The following AGBL4 variants were observed in gnomAD, a reference collection of about 807,000 sequenced individuals.
AGBL4 encodes the protein AGBL carboxypeptidase 4, also known as cytosolic carboxypeptidase 6.
In AGBL4, 58 loss-of-function variants were observed where a neutral mutation model predicts 66.4. The ratio of observed to expected loss-of-function variants is 0.87; its 90% confidence interval spans 0.71 to 1.09. The LOEUF (loss-of-function observed/expected upper bound fraction) is 1.09, where lower values mean the gene tolerates loss of function less well. Among genes scored for constraint, AGBL4 ranks in the 50% least tolerant of loss-of-function variants. The pLI, the probability that AGBL4 is intolerant of heterozygous loss-of-function variation, is 0.00. For synonymous variants in AGBL4, 234 were observed against 222.9 expected, an observed-to-expected ratio of 1.05 and a Z score of -0.44; for missense variants, 579 against 631.0, an observed-to-expected ratio of 0.92 and a Z score of 0.88.
intron 6 of AGBL4, among the ~76,000 whole-genome samples, chr1:48,744,820 C>A (rs1353662888): frequency 6.6e-6 from 1 of 152,180 alleles, no homozygotes; most frequent in Admixed American, 6.5e-5. Flanking sequence ...TCATTTCTTG[C>A]CCCCCACCAA....
chr1:49,023,202 G>C (rs1006811251), intron 5 of AGBL4, among the ~76,000 whole-genome samples: 3 of 152,164 alleles, frequency 2.0e-5, no homozygotes, highest in African/African-American at 7.2e-5. Flanking sequence ...GGTATGCTGA[G>C]AGTATGTTCT....
intron 1 of AGBL4, among the ~76,000 whole-genome samples, chr1:49,924,246 A>C (rs893383362): frequency 6.6e-6 from 1 of 152,226 alleles, no homozygotes; most frequent in Non-Finnish European, 1.5e-5. Flanking sequence ...TGATGAGAAC[A>C]CATTGACACA....
intron 3 of AGBL4, among the ~76,000 whole-genome samples, chr1:49,376,608 T>C (rs1644477112): frequency 6.6e-6 from 1 of 152,098 alleles, no homozygotes; most frequent in Admixed American, 6.6e-5. Context: ...CTAATATTTG[T>C]AAACAGTCTC....
intron 5 of AGBL4, among the ~76,000 whole-genome samples, chr1:49,006,527 A>T (rs1315471189): frequency 6.6e-6 from 1 of 152,226 alleles, no homozygotes; most frequent in Non-Finnish European, 1.5e-5. Flanking sequence ...AGCCCACCAC[A>T]GCTCAAGGAG....
rs151282421 is a variant in AGBL4, at chr1:49,993,435, T to A, written c.34+30328A>T. ...CTAGTTTTGATAGTCTCTACTCTTC[T>A]ATCCAGACAGTATACCTATTCTCCT... On this transcript the variant is annotated intron_variant, in intron 1 of 13. Transcript: ENST00000371839. Among the ~76,000 whole-genome samples, 157 of 152,316 alleles carry A rather than the reference T, an allele frequency of 1.0e-3. 2 individuals carry two copies. In the East Asian group the frequency reaches 0.026, roughly 25 times the overall value.
intron 6 of AGBL4, among the ~76,000 whole-genome samples, chr1:48,797,711 T>G (rs555288002): frequency 1.3e-4 from 20 of 152,192 alleles, no homozygotes; most frequent in Non-Finnish European, 1.8e-4. Context: ...AATTTCCAGC[T>G]AATTTTTGTA....
chr1:48,778,162 T>TCCATCCATCCAA (rs1326345416), intron 6 of AGBL4, among the ~76,000 whole-genome samples: 1 of 151,918 alleles, frequency 6.6e-6, no homozygotes, highest in Non-Finnish European at 1.5e-5. Context: ...CATCCATCCA[T>TCCATCCATCCAA]CCATCCATCC....
At chr1:49,448,874 T>G (rs1159622032) in intron 3 of AGBL4, among the ~76,000 whole-genome samples, 1 of 150,922 alleles carries the variant, frequency 6.6e-6, no homozygotes, top group African/African-American at 2.4e-5. Context: ...GGGACTTAAA[T>G]TCGGGTAATT....
At chr1:49,094,304 C>A (rs1645052815) in intron 4 of AGBL4, among the ~76,000 whole-genome samples, 1 of 152,064 alleles carries the variant, frequency 6.6e-6, no homozygotes, top group African/African-American at 2.4e-5. Context: ...AGGCATTTTG[C>A]AGATGTGATT....
intron 5 of AGBL4, among the ~76,000 whole-genome samples, chr1:49,017,577 C>CA (rs1248674596): frequency 3.9e-5 from 6 of 152,084 alleles, no homozygotes; most frequent in African/African-American, 1.4e-4. Flanking sequence ...TATCTACTTC[C>CA]AAAAAACCCT....
chr1:49,306,158 G>A (rs557659688), intron 3 of AGBL4, among the ~76,000 whole-genome samples: 1 of 152,238 alleles, frequency 6.6e-6, no homozygotes, highest in East Asian at 1.9e-4. Flanking sequence ...GCTGAGCATA[G>A]ACAATCCTTT....
At position 48,627,681 on chromosome 1, in the gene AGBL4, C is replaced by T. The variant is rs186485512; in HGVS notation, c.951+6812G>A. ...ATTTTCCTTAAATGATTTAAGGAAA[C>T]GGATCTGTCTAAAAGAGCTGCAGCC... On this transcript the variant is annotated intron_variant, in intron 9 of 13. Coordinates refer to ENST00000371839, the MANE Select transcript of AGBL4 (RefSeq NM_032785.4). 7.1e-3 allele frequency among the ~76,000 whole-genome samples: 1,076 copies of T among 152,018 alleles called. 5 individuals are homozygous for T. The highest frequency in any genetic ancestry group is 0.028 in the South Asian group (132 of 4,800).
intron 5 of AGBL4, among the ~76,000 whole-genome samples, chr1:48,955,309 A>C (rs925820582): frequency 2.0e-5 from 3 of 152,210 alleles, no homozygotes; most frequent in Non-Finnish European, 2.9e-5. Flanking sequence ...GTAATGCTGC[A>C]GTTGAGCTTT....
intron 6 of AGBL4, among the ~76,000 whole-genome samples, chr1:48,784,581 A>AT (rs1326471969): frequency 6.6e-6 from 1 of 152,174 alleles, no homozygotes; most frequent in Non-Finnish European, 1.5e-5. Context: ...TTTGTTGAGT[A>AT]TTTTTTTAAG....
At chr1:49,503,776 A>G (rs1344060968) in intron 3 of AGBL4, among the ~76,000 whole-genome samples, 2 of 152,038 alleles carry the variant, frequency 1.3e-5, no homozygotes, top group Non-Finnish European at 2.9e-5. Flanking sequence ...GGGTATATTT[A>G]CCTAATGCCT....
intron 3 of AGBL4, among the ~76,000 whole-genome samples, chr1:49,668,211 C>T (rs538040660): frequency 1.3e-5 from 2 of 152,204 alleles, no homozygotes; most frequent in South Asian, 2.1e-4. Context: ...TTTTAAATTT[C>T]GTAAGAAATA....
chr1:49,286,232 A>G (rs1644406055), intron 3 of AGBL4, among the ~76,000 whole-genome samples: 2 of 152,202 alleles, frequency 1.3e-5, no homozygotes, highest in Non-Finnish European at 2.9e-5. Context: ...AGAGCTATCT[A>G]TGACAAACCC....
chr1:49,610,126 T>C (rs955376582), intron 3 of AGBL4, among the ~76,000 whole-genome samples: 7 of 152,134 alleles, frequency 4.6e-5, no homozygotes, highest in African/African-American at 1.7e-4. Flanking sequence ...TAGTGAAGTG[T>C]GCCCAGTACT....
rs370092094 is a variant in AGBL4, at chr1:49,851,158, A to T, written c.157+238T>A. On this transcript the variant is annotated intron_variant, in intron 2 of 13. Transcript: ENST00000371839. ...TCTTGGAAAGTAGTTTCTAAAATAT[A>T]AGCTACTATGTAAGCATTTGTTAAT... is the stretch of plus-strand genomic sequence containing the variant. 3.3e-4 allele frequency among the ~76,000 whole-genome samples: 50 copies of T among 152,264 alleles called. 1 individual carries two copies. The South Asian group carries it at 9.5e-3, about 29-fold the overall frequency.
Sources: allele counts gnomAD v4.1 joint callset (sites outside exome capture counted in the v4.1 genomes callset), GRCh38; gene constraint gnomAD v4.1.1; transcripts MANE v1.5; gene names NCBI Gene and HGNC (gene_info 2026-07-23, HGNC 2026-07-21).